Variants in CA5A observed in about 807,000 individuals in gnomAD.
The protein encoded by CA5A is carbonic anhydrase 5A, mitochondrial.
Under a neutral mutation model 37.1 loss-of-function variants are expected in CA5A, and 28 were observed. The observed-to-expected ratio is 0.75, with a 90% CI of 0.56 to 1.03. CA5A has a LOEUF of 1.03. Among genes scored for constraint, CA5A ranks in the 50% least tolerant of loss-of-function variants. The probability of loss-of-function intolerance (pLI) is 0.00; values close to 1 mark genes in which losing one functional copy is unlikely to be tolerated. For missense variants in CA5A, 444 were observed against 399.9 expected (o/e 1.11, Z -0.94); for synonymous variants, 171 against 158.4 (o/e 1.08, Z -0.60).
intron 1 of CA5A, among the ~76,000 whole-genome samples, chr16:87,927,150 C>T (rs762930910): frequency 1.3e-5 from 2 of 152,268 alleles, no homozygotes; most frequent in Non-Finnish European, 2.9e-5. Flanking sequence ...CTGCACCACT[C>T]GGGGACTTTC....
intron 5 of CA5A, 88 bp downstream of exon 5, chr16:87,901,824 T>A (rs2055882343): frequency 9.2e-7 from 1 of 1,087,068 alleles, no homozygotes; most frequent in African/African-American, 1.6e-5. Flanking sequence ...CAACCTCACG[T>A]GATCCACCTG....
chr16:87,927,951 T>C (rs1479607256), intron 1 of CA5A, among the ~76,000 whole-genome samples: 1 of 152,074 alleles, frequency 6.6e-6, no homozygotes, highest in Non-Finnish European at 1.5e-5. Flanking sequence ...CCACCTGTTC[T>C]CTGTGCAATA....
intron 2 of CA5A, among the ~76,000 whole-genome samples, chr16:87,926,165 G>C (rs979672448): frequency 1.3e-5 from 2 of 152,188 alleles, no homozygotes; most frequent in African/African-American, 4.8e-5. Flanking sequence ...GTTGCAGTGA[G>C]CTGAGATTGC....
At chr16:87,908,735 G>A (rs1020968505) in intron 2 of CA5A, among the ~76,000 whole-genome samples, 2 of 152,220 alleles carry the variant, frequency 1.3e-5, no homozygotes, top group African/African-American at 4.8e-5. Context: ...AGGGTTTCCA[G>A]CAGGGCTGGA....
chr16:87,933,851 T>C (rs545480498), intron 1 of CA5A, among the ~76,000 whole-genome samples: 1 of 152,372 alleles, frequency 6.6e-6, no homozygotes, highest in Non-Finnish European at 1.5e-5. Flanking sequence ...TTCCTTATGA[T>C]GTTCCAATCT....
At chr16:87,904,613 G>A (rs2055930010) in intron 3 of CA5A, among the ~76,000 whole-genome samples, 173 bp downstream of exon 3, 1 of 152,194 alleles carries the variant, frequency 6.6e-6, no homozygotes, top group Non-Finnish European at 1.5e-5. Flanking sequence ...CCTCGTAGGA[G>A]AGGTGTGACT....
intron 5 of CA5A, 144 bp downstream of exon 5, chr16:87,901,768 G>T (rs2055881552): frequency 1.8e-6 from 1 of 560,298 alleles, no homozygotes. Context: ...TGTATTTTTA[G>T]TGGAGACGGG....
At chr16:87,901,098 C>T (rs1040570130) in intron 5 of CA5A, among the ~76,000 whole-genome samples, 18 of 152,098 alleles carry the variant, frequency 1.2e-4, no homozygotes, top group African/African-American at 4.3e-4. Context: ...GGTATGGTGG[C>T]GCACACCTAT....
chr16:87,927,026 G>T (rs777104853), intron 1 of CA5A, 81 bp from the exon 2 acceptor site: 2 of 979,550 alleles, frequency 2.0e-6, no homozygotes, highest in African/African-American at 1.6e-5. Context: ...AAACCCGGCC[G>T]CACGAGACCC....
chr16:87,884,382 A>G (rs1428625224), downstream of CA5A: 2 of 151,494 alleles, frequency 1.3e-5, no homozygotes, highest in African/African-American at 4.9e-5. Flanking sequence ...AGCCTGACCA[A>G]CATGGAGAAA....
chr16:87,924,268 G>A, intron 2 of CA5A: 1 of 985,442 alleles, frequency 1.0e-6, no homozygotes, highest in African/African-American at 1.7e-5. Context: ...ATCCGCGGGG[G>A]TTGCAGTGGA....
chr16:87,928,648 CAT>C (rs1481789575), intron 1 of CA5A, among the ~76,000 whole-genome samples: 5 of 151,702 alleles, frequency 3.3e-5, no homozygotes, highest in African/African-American at 1.2e-4. Flanking sequence ...TTTTAAAATC[CAT>C]TATTTGGTGA....
chr16:87,892,587 C>G (rs1470539684), intron 5 of CA5A, among the ~76,000 whole-genome samples: 5 of 148,202 alleles, frequency 3.4e-5, no homozygotes, highest in Middle Eastern at 3.5e-3. Flanking sequence ...AAAAATAAAG[C>G]CATTTCTTTT....
At chr16:87,900,256 G>C (rs2055859975) in intron 5 of CA5A, among the ~76,000 whole-genome samples, 1 of 152,226 alleles carries the variant, frequency 6.6e-6, no homozygotes, top group African/African-American at 2.4e-5. Flanking sequence ...GTTTCCTCTG[G>C]CTGTGGAGCC....
chr16:87,935,921 C>T lies in CA5A; in HGVS notation c.142+388G>A, dbSNP rs537983522. On this transcript the variant is annotated intron_variant, in intron 1 of 6. Transcript: ENST00000649794. ...GGCGCCGTGGCTGATGCCTGCAATCCCAGCACTTTGGGAGGCTGAGACAGG... is the reference window on the plus strand; with the variant it reads ...GGCGCCGTGGCTGATGCCTGCAATCTCAGCACTTTGGGAGGCTGAGACAGG... 1.5e-3 allele frequency among the ~76,000 whole-genome samples: 221 copies of T among 151,974 alleles called. 3 individuals carry two copies. The highest frequency in any genetic ancestry group is 5.1e-3 in the African/African-American group (213 of 41,428).
chr16:87,884,567 C>CAAAAA (rs1213285823), downstream of CA5A: 25 of 111,820 alleles, frequency 2.2e-4, no homozygotes, highest in African/African-American at 5.0e-4. Context: ...AACTCTGTCT[C>CAAAAA]AAAAAAAAAA....
chr16:87,924,903 C>T (rs1045693437), intron 2 of CA5A, among the ~76,000 whole-genome samples: 1 of 152,186 alleles, frequency 6.6e-6, no homozygotes. Flanking sequence ...GGGGTGGCCT[C>T]GATTCTCTCC....
intron 3 of CA5A, among the ~76,000 whole-genome samples, chr16:87,904,310 C>G (rs1192953674): frequency 1.3e-5 from 2 of 151,558 alleles, no homozygotes; most frequent in Non-Finnish European, 2.9e-5. Flanking sequence ...CCAATGCACT[C>G]CAGTCTGGGT....
rs748612187 is a variant in CA5A, at chr16:87,926,876, C to T, written c.212G>A (p.Trp71Ter). 2 of 1,612,434 alleles carry T rather than the reference C, an allele frequency of 1.2e-6. No individual in the cohort carries two copies. The highest frequency in any genetic ancestry group is 2.2e-5 in the South Asian group (2 of 90,778). The change falls in exon 2 of 7, where the codon TGG (tryptophan) becomes TAG (stop). Residue 71 changes from tryptophan to a stop codon, truncating the protein, a stop_gained. Transcript: ENST00000649794. LOFTEE classifies it high-confidence loss of function. ...GTRQSPINIQ[W>*]RDSVYDPQLK... ...CTGGGGGTCATAGACGCTGTCCCTCCACTGGATGTTAATAGGAGACTGCCG... is the reference window on the plus strand; with the variant it reads ...CTGGGGGTCATAGACGCTGTCCCTCTACTGGATGTTAATAGGAGACTGCCG...
Sources: allele counts gnomAD v4.1 joint callset (sites outside exome capture counted in the v4.1 genomes callset), GRCh38; gene constraint gnomAD v4.1.1; transcripts MANE v1.5; gene names NCBI Gene and HGNC (gene_info 2026-07-23, HGNC 2026-07-21).